The following PLCE1 variants were observed in gnomAD, a reference collection of about 807,000 sequenced individuals.
PLCE1 encodes the protein 1-phosphatidylinositol 4,5-bisphosphate phosphodiesterase epsilon-1.
PLCE1 carries 119 observed loss-of-function variants against 242.8 expected under a neutral mutation model. The ratio of observed to expected loss-of-function variants is 0.49; its 90% confidence interval spans 0.42 to 0.57. PLCE1 has a LOEUF of 0.57. Among genes scored for constraint, PLCE1 ranks in the 20% least tolerant of loss-of-function variants. PLCE1 has a pLI of 0.00. For synonymous variants in PLCE1, 945 were observed against 1,017.4 expected, an observed-to-expected ratio of 0.93 and a Z score of 1.35; for missense variants, 2,441 against 2,788.8, an observed-to-expected ratio of 0.88 and a Z score of 2.81.
At chr10:94,288,415 A>G (rs1315896986) in intron 22 of PLCE1, among the ~76,000 whole-genome samples, 1 of 152,182 alleles carries the variant, frequency 6.6e-6, no homozygotes, top group Non-Finnish European at 1.5e-5. Flanking sequence ...GCCAAGGCAA[A>G]TCTCTCTGAG....
At chr10:94,270,204 A>G (rs749006193) in intron 17 of PLCE1, among the ~76,000 whole-genome samples, 1 of 152,180 alleles carries the variant, frequency 6.6e-6, no homozygotes, top group Non-Finnish European at 1.5e-5. Flanking sequence ...CCTGCAATAT[A>G]CTCTATATAT....
At chr10:94,037,563 G>T (rs973574599) in intron 2 of PLCE1, among the ~76,000 whole-genome samples, 1 of 152,138 alleles carries the variant, frequency 6.6e-6, no homozygotes, top group Non-Finnish European at 1.5e-5. Flanking sequence ...ATTACGAAGG[G>T]TAGTGATGGG....
intron 2 of PLCE1, among the ~76,000 whole-genome samples, chr10:94,060,761 A>G (rs533776337): frequency 6.7e-6 from 1 of 148,706 alleles, no homozygotes; most frequent in East Asian, 2.0e-4. Context: ...CAGTGGTGTG[A>G]TCAAAGCTCA....
intron 13 of PLCE1, among the ~76,000 whole-genome samples, chr10:94,262,245 C>T (rs942798375): frequency 2.0e-5 from 3 of 152,068 alleles, no homozygotes; most frequent in African/African-American, 2.4e-5. Flanking sequence ...AGGTGGTCCA[C>T]CTGCCTCAGC....
At chr10:94,160,475 T>C (rs1453673941) in intron 3 of PLCE1, among the ~76,000 whole-genome samples, 2 of 152,212 alleles carry the variant, frequency 1.3e-5, no homozygotes, top group East Asian at 3.8e-4. Flanking sequence ...TGTTTCTTTT[T>C]TTCTTGTAAA....
chr10:94,157,164 T>C (rs2047458992), intron 3 of PLCE1, among the ~76,000 whole-genome samples: 1 of 152,164 alleles, frequency 6.6e-6, no homozygotes, highest in Non-Finnish European at 1.5e-5. Flanking sequence ...GGGTGCAAGT[T>C]GCAGGTTATA....
chr10:94,234,770 C>T (rs2050261383), intron 6 of PLCE1, among the ~76,000 whole-genome samples: 1 of 152,110 alleles, frequency 6.6e-6, no homozygotes, highest in South Asian at 2.1e-4. Flanking sequence ...AGACAAGCTC[C>T]AGGCTCCTGA....
rs867460128 is a variant in PLCE1 at position 94,171,087 on chromosome 10, G to A, written c.1493-93G>A. ...TCACTAAGCAGAGGATTTGGTTAAA[G>A]AACATACAAGATTTGGAATGGCTCT... is the stretch of plus-strand genomic sequence containing the variant. On this transcript the variant is annotated intron_variant, in intron 3 of 32. Transcript: ENST00000371380. The A allele has an allele frequency of 3.7e-6, 4 of 1,071,338 alleles. No homozygotes were observed. The South Asian group carries it at 5.0e-5, about 14-fold the overall frequency. 66.4% of individuals were successfully genotyped at this position (1,071,338 alleles called of 1,614,324 possible). A position where few individuals can be genotyped will look rare whatever the true frequency, so the allele number is the denominator to read the frequency against.
chr10:94,055,316 AT>A (rs34828676), intron 2 of PLCE1, among the ~76,000 whole-genome samples: 47 of 146,880 alleles, frequency 3.2e-4, no homozygotes, highest in Admixed American at 3.4e-4. Flanking sequence ...TTGTTGTCTT[AT>A]TTTTTTTTTT....
intron 2 of PLCE1, among the ~76,000 whole-genome samples, chr10:94,092,811 A>G (rs1226324296): frequency 6.6e-6 from 1 of 152,220 alleles, no homozygotes; most frequent in African/African-American, 2.4e-5. Flanking sequence ...AAGCAAAAAT[A>G]AGAGAGACTT....
chr10:94,155,248 A>G (rs1417377003), intron 3 of PLCE1, among the ~76,000 whole-genome samples: 3 of 152,228 alleles, frequency 2.0e-5, no homozygotes, highest in Non-Finnish European at 2.9e-5. Flanking sequence ...CCATCAACTG[A>G]TGAATAAACA....
intron 19 of PLCE1, among the ~76,000 whole-genome samples, chr10:94,278,568 A>G (rs979049214): frequency 3.3e-5 from 5 of 152,194 alleles, no homozygotes; most frequent in African/African-American, 1.2e-4. Flanking sequence ...ATAACATGTG[A>G]TCACTGTATT....
intron 18 of PLCE1, among the ~76,000 whole-genome samples, chr10:94,272,272 T>C (rs1400611781): frequency 6.6e-6 from 1 of 152,174 alleles, no homozygotes; most frequent in African/African-American, 2.4e-5. Context: ...TGCAATTCTT[T>C]TCCTAGGGTC....
At chr10:94,041,075 C>G (rs80299431) in intron 2 of PLCE1, among the ~76,000 whole-genome samples, 7 of 151,944 alleles carry the variant, frequency 4.6e-5, no homozygotes, top group Non-Finnish European at 8.8e-5. Context: ...GAACATCCCT[C>G]GCTACCTGGC....
At chr10:94,309,512 G>T (rs1046431120) in intron 27 of PLCE1, among the ~76,000 whole-genome samples, 1 of 152,052 alleles carries the variant, frequency 6.6e-6, no homozygotes, top group African/African-American at 2.4e-5. Context: ...TTTCTATAGA[G>T]ATGGGGTCTC....
intron 4 of PLCE1, among the ~76,000 whole-genome samples, chr10:94,212,066 C>T (rs2049349879): frequency 6.6e-6 from 1 of 152,144 alleles, no homozygotes; most frequent in South Asian, 2.1e-4. Context: ...TCCAAAAATC[C>T]TGCCCCTAAA....
chr10:94,058,612 C>T (rs2043967121), intron 2 of PLCE1, among the ~76,000 whole-genome samples: 1 of 152,126 alleles, frequency 6.6e-6, no homozygotes, highest in Admixed American at 6.6e-5. Flanking sequence ...TCAGGTTAAG[C>T]AGAGTTGAGT....
At chr10:94,081,058 G>A (rs1354867479) in intron 2 of PLCE1, among the ~76,000 whole-genome samples, 1 of 152,178 alleles carries the variant, frequency 6.6e-6, no homozygotes, top group Non-Finnish European at 1.5e-5. Context: ...GGAGGAAAAT[G>A]TTATCTCAAT....
chr10:94,008,594 C>T (rs533674407), intron 1 of PLCE1, among the ~76,000 whole-genome samples: 217 of 152,316 alleles, frequency 1.4e-3, no homozygotes, highest in African/African-American at 4.9e-3. Flanking sequence ...CAAGCTTAAG[C>T]CATCATGCCT....
Sources: allele counts gnomAD v4.1 joint callset (sites outside exome capture counted in the v4.1 genomes callset), GRCh38; gene constraint gnomAD v4.1.1; transcripts MANE v1.5; gene names NCBI Gene and HGNC (gene_info 2026-07-23, HGNC 2026-07-21).